Variants in SLC9C1 observed in about 807,000 individuals in gnomAD.
SLC9C1 encodes sodium/hydrogen exchanger 10.
A neutral mutation model predicts 140.9 loss-of-function variants in SLC9C1; 97 were observed. The ratio of observed to expected loss-of-function variants is 0.69; its 90% CI spans 0.58 to 0.82. The LOEUF is 0.82. Among genes scored for constraint, SLC9C1 ranks in the 40% least tolerant of loss-of-function variants. The probability of loss-of-function intolerance (pLI) is 0.00; values close to 1 mark genes in which losing one functional copy is unlikely to be tolerated. For missense variants in SLC9C1, 1,340 were observed against 1,389.3 expected, an observed-to-expected ratio of 0.96 and a Z score of 0.56; for synonymous variants, 440 against 442.6, an observed-to-expected ratio of 0.99 and a Z score of 0.07.
intron 17 of SLC9C1, among the ~76,000 whole-genome samples, chr3:112,202,976 A>T (rs1166812307): frequency 6.6e-6 from 1 of 151,768 alleles, no homozygotes; most frequent in East Asian, 1.9e-4. Context: ...CAACCTCCAT[A>T]CTCTACCCTG....
At chr3:112,158,188 G>A (rs1196902435) in intron 26 of SLC9C1, among the ~76,000 whole-genome samples, 1 of 151,906 alleles carries the variant, frequency 6.6e-6, no homozygotes, top group Non-Finnish European at 1.5e-5. Context: ...GTTGAGGTAT[G>A]TTCCTTCTAT....
At chr3:112,157,226 C>T (rs1013132789) in intron 26 of SLC9C1, among the ~76,000 whole-genome samples, 1 of 151,852 alleles carries the variant, frequency 6.6e-6, no homozygotes, top group Non-Finnish European at 1.5e-5. Flanking sequence ...TTGTTTCATT[C>T]TTCTGCATAT....
chr3:112,170,049 A>T (rs1384460684), intron 23 of SLC9C1, among the ~76,000 whole-genome samples: 13 of 152,210 alleles, frequency 8.5e-5, no homozygotes, highest in Admixed American at 8.5e-4. Context: ...CTGGAAGGAA[A>T]CCTAGAGAAA....
chr3:112,199,668 A>G (rs1232565909), intron 19 of SLC9C1, among the ~76,000 whole-genome samples, 199 bp from the exon 20 acceptor site: 1 of 152,006 alleles, frequency 6.6e-6, no homozygotes, highest in Non-Finnish European at 1.5e-5. Flanking sequence ...TTTTCTTGGC[A>G]GCACTCATAC....
At chr3:112,167,840 C>T (rs1219770100) in intron 25 of SLC9C1, among the ~76,000 whole-genome samples, 1 of 152,146 alleles carries the variant, frequency 6.6e-6, no homozygotes, top group Non-Finnish European at 1.5e-5. Context: ...AGGCTTCAGG[C>T]TCCTGCTTGG....
intron 1 of SLC9C1, among the ~76,000 whole-genome samples, chr3:112,289,266 T>C (rs1265658298): frequency 6.6e-6 from 1 of 152,208 alleles, no homozygotes; most frequent in African/African-American, 2.4e-5. Flanking sequence ...TGGGAAACCA[T>C]GGGGTATATC....
In SLC9C1 at chr3:112,200,771, C is replaced by A. The variant is rs1341192547; in HGVS notation, c.2323-9G>T. ...ACTTGCTTTAATAACATCTAAGGAA[C>A]AAAAGAAATGTTATCCCCATTGGAA... On this transcript the variant is annotated splice_polypyrimidine_tract_variant and intron_variant, in intron 18 of 28. Coordinates refer to ENST00000305815, the MANE Select transcript of SLC9C1 (RefSeq NM_183061.3). 6.2e-7 allele frequency: 1 copy of A among 1,601,574 alleles called. No homozygotes were observed. Among genetic ancestry groups the A allele is most frequent in the Non-Finnish European group, 8.5e-7 (1 of 1,173,898 alleles).
rs1261895213 is a variant in SLC9C1 at position 112,155,017 on chromosome 3, C to T, written c.3397G>A (p.Glu1133Lys). ...SVGTLEEGIQEERNVKEDGAH... is the reference protein window; with the variant it reads ...SVGTLEEGIQKERNVKEDGAH... ...TTTACCTCCTTAACATTTCTTTCTT[C>T]TTGAATGCCTTCTTCCAATGTTCCA... is the stretch of plus-strand genomic sequence containing the variant. Residue 1133 changes from glutamate (E) to lysine (K), a missense_variant, in exon 27 of 29, where the codon GAA becomes AAA. Coordinates refer to ENST00000305815, the MANE Select transcript of SLC9C1 (RefSeq NM_183061.3). 2 of 1,605,038 alleles carry T rather than the reference C, an allele frequency of 1.2e-6. No homozygotes were observed. Among genetic ancestry groups the T allele is most frequent in the African/African-American group, 2.7e-5 (2 of 74,024 alleles).
chr3:112,279,223 A>G (rs1255645218), intron 3 of SLC9C1, among the ~76,000 whole-genome samples: 5 of 152,170 alleles, frequency 3.3e-5, no homozygotes, highest in Non-Finnish European at 7.4e-5. Flanking sequence ...ATATCTTTGC[A>G]TTTGGGAGAT....
At chr3:112,209,937 A>G (rs2078156774) in intron 15 of SLC9C1, among the ~76,000 whole-genome samples, 1 of 152,222 alleles carries the variant, frequency 6.6e-6, no homozygotes, top group Admixed American at 6.5e-5. Context: ...ATTAAATCCT[A>G]TAAAAATCTT....
At chr3:112,227,835 C>T (rs1313801873) in intron 13 of SLC9C1, among the ~76,000 whole-genome samples, 2 of 151,944 alleles carry the variant, frequency 1.3e-5, no homozygotes, top group African/African-American at 2.4e-5. Context: ...ACCAAAAATA[C>T]ATAAGAATAC....
At chr3:112,243,244 CA>C (rs2079185434) in intron 11 of SLC9C1, among the ~76,000 whole-genome samples, 1 of 152,036 alleles carries the variant, frequency 6.6e-6, no homozygotes, top group South Asian at 2.1e-4. Context: ...TTCACAATAG[CA>C]AAGAGATGGA....
At chr3:112,219,734 G>A (rs915526828) in intron 14 of SLC9C1, among the ~76,000 whole-genome samples, 3 of 151,798 alleles carry the variant, frequency 2.0e-5, no homozygotes, top group South Asian at 2.1e-4. Flanking sequence ...GCATGCCAGC[G>A]TGCCTGGCTA....
At chr3:112,185,489 G>A in intron 20 of SLC9C1, 4 of 1,610,836 alleles carry the variant, frequency 2.5e-6, no homozygotes, top group Non-Finnish European at 3.4e-6. Context: ...GTTACACCTG[G>A]CTGATGATCT....
At chr3:112,151,445 T>A (rs1321461031) in intron 28 of SLC9C1, 1 of 519,212 alleles carries the variant, frequency 1.9e-6, no homozygotes, top group Non-Finnish European at 3.8e-6. Flanking sequence ...ACAGTGTATC[T>A]TTTATGGTAG....
intron 20 of SLC9C1, among the ~76,000 whole-genome samples, chr3:112,183,344 C>CTTTTTTTTTT (rs1159788975): frequency 9.6e-4 from 20 of 20,924 alleles, no homozygotes; most frequent in Admixed American, 2.2e-3. Flanking sequence ...TATTTAGCAC[C>CTTTTTTTTTT]TTTTCTTTTT....
In SLC9C1 at chr3:112,166,989, A is replaced by T. The variant is rs565719937; in HGVS notation, c.3364+232T>A. ...GTAATTCCCTCATTAACCTTTTTTC[A>T]TATCATTTTGATAATTATGCACTTT... On this transcript the variant is annotated intron_variant, in intron 26 of 28. Coordinates refer to ENST00000305815, the MANE Select transcript of SLC9C1 (RefSeq NM_183061.3). Among the ~76,000 whole-genome samples the T allele has an allele frequency of 6.6e-5, 10 of 152,210 alleles. No homozygotes were observed. In the South Asian group the frequency reaches 2.1e-3, roughly 32 times the overall value.
At chr3:112,166,268 C>T (rs1030810266) in intron 26 of SLC9C1, among the ~76,000 whole-genome samples, 4 of 152,220 alleles carry the variant, frequency 2.6e-5, no homozygotes, top group Non-Finnish European at 2.9e-5. Flanking sequence ...GTGCGCTGCA[C>T]CCACTGTCCT....
intron 10 of SLC9C1, among the ~76,000 whole-genome samples, chr3:112,256,039 GT>G (rs35440919): frequency 0.3 from 44,882 of 151,750 alleles, 7,167 homozygotes; most frequent in East Asian, 0.42. Flanking sequence ...GGAAGAAAGT[GT>G]TTCCCTGAAC....
Sources: allele counts gnomAD v4.1 joint callset (sites outside exome capture counted in the v4.1 genomes callset), GRCh38; gene constraint gnomAD v4.1.1; transcripts MANE v1.5; gene names NCBI Gene and HGNC (gene_info 2026-07-23, HGNC 2026-07-21).